Variants in MBL2 observed in about 807,000 individuals in gnomAD.
MBL2 encodes the protein mannose binding lectin 2.
A neutral mutation model predicts 12.7 loss-of-function variants in MBL2; 6 were observed. The observed-to-expected ratio is 0.47, with a 90% confidence interval of 0.26 to 0.94. The LOEUF (loss-of-function observed/expected upper bound fraction) is 0.94, where lower values mean the gene tolerates loss of function less well. Among genes scored for constraint, MBL2 ranks in the 40% least tolerant of loss-of-function variants. The pLI is 0.15. For synonymous variants in MBL2, 114 were observed against 112.0 expected, an observed-to-expected ratio of 1.02 and a Z score of -0.11; for missense variants, 307 against 295.2, an observed-to-expected ratio of 1.04 and a Z score of -0.29.
chr10:52,772,642 C>CA (rs1840411934), intron 1 of MBL2, 95 bp downstream of exon 1: 1 of 655,498 alleles, frequency 1.5e-6, no homozygotes, highest in Non-Finnish European at 1.9e-6. Flanking sequence ...CCACTCCCCC[C>CA]ACCCCTAGAA....
Position 52,767,798 on chromosome 10 carries a change from T to A in MBL2, c.*339A>T, listed in dbSNP as rs1266466558. On this transcript the variant is annotated 3_prime_UTR_variant, in exon 5 of 5. Coordinates refer to ENST00000674931, the MANE Select transcript of MBL2 (RefSeq NM_001378373.1). ...ACAGAGCACAGGTGTTTGTTGTAAA[T>A]GGAAAAATAAATCCGTCTTATTTTC... is the stretch of plus-strand genomic sequence containing the variant. 1 of 174,130 alleles carries A rather than the reference T, an allele frequency of 5.7e-6. No homozygotes were observed. Among genetic ancestry groups the A allele is most frequent in the Admixed American group, 5.9e-5 (1 of 16,860 alleles). 10.8% of individuals were successfully genotyped at this position (174,130 alleles called of 1,614,324 possible).
intron 2 of MBL2, 85 bp from the exon 3 acceptor site, chr10:52,770,871 G>A: frequency 1.4e-6 from 1 of 709,946 alleles, no homozygotes; most frequent in East Asian, 3.0e-5. Context: ...CCCTTCTCAG[G>A]AGAAAGGAGA....
intron 3 of MBL2, among the ~76,000 whole-genome samples, chr10:52,769,579 AT>A (rs1217369362): frequency 1.3e-5 from 2 of 152,166 alleles, no homozygotes; most frequent in African/African-American, 4.8e-5. Flanking sequence ...ATACTCCCTG[AT>A]TACCTAGCAA....
rs1478578606 is a variant in MBL2 at position 52,766,266 on chromosome 10, A to G, written c.*1871T>C. 1 of 152,140 alleles carries G rather than the reference A, an allele frequency of 6.6e-6. No individual in the cohort carries two copies. The highest frequency in any genetic ancestry group is 1.9e-4 in the East Asian group (1 of 5,194). 9.4% of individuals were successfully genotyped at this position (152,140 alleles called of 1,614,324 possible). On this transcript the variant is annotated 3_prime_UTR_variant, in exon 5 of 5. Coordinates refer to ENST00000674931, the MANE Select transcript of MBL2 (RefSeq NM_001378373.1). Reference sequence around the variant, plus strand: ...TATGGAAATCTTGACTTTAAGAAGAACAAAGCTGGACTATAGTTACAACTA... The same window carrying G: ...TATGGAAATCTTGACTTTAAGAAGAGCAAAGCTGGACTATAGTTACAACTA...
intron 1 of MBL2, 46 bp downstream of exon 1, chr10:52,772,691 A>G (rs919991683): frequency 2.7e-5 from 27 of 983,218 alleles, no homozygotes; most frequent in African/African-American, 1.9e-4. Flanking sequence ...CAGCTCCCCA[A>G]ACCCTTGATC....
chr10:52,770,192 C>A (rs1448143338), intron 3 of MBL2, among the ~76,000 whole-genome samples: 1 of 152,174 alleles, frequency 6.6e-6, no homozygotes, highest in African/African-American at 2.4e-5. Flanking sequence ...GTGGGTAAGC[C>A]CAGCTTAAAC....
At chr10:52,768,869 A>G (rs1840347827) in intron 4 of MBL2, among the ~76,000 whole-genome samples, 1 of 152,044 alleles carries the variant, frequency 6.6e-6, no homozygotes, top group Admixed American at 6.6e-5. Context: ...TGTTAACTTG[A>G]GACCAAACAA....
rs1245602794 is a variant in MBL2, at chr10:52,765,657, CAT to C, written c.*2478_*2479del. 2.0e-5 allele frequency: 3 copies of C among 152,134 alleles called. No individual in the cohort carries two copies. Among genetic ancestry groups the C allele is most frequent in the African/African-American group, 7.2e-5 (3 of 41,426 alleles). 9.4% of individuals were successfully genotyped at this position (152,134 alleles called of 1,614,324 possible). A position where few individuals can be genotyped will look rare whatever the true frequency, so the allele number is the denominator to read the frequency against. Reference sequence around the variant, plus strand: ...AAACACAAAGTAACTGGCTCTAGATCATGTAGCAATTAAGTGACAGAGCTGTG... The same window carrying C: ...AAACACAAAGTAACTGGCTCTAGATCGTAGCAATTAAGTGACAGAGCTGTG... On this transcript the variant is annotated 3_prime_UTR_variant, in exon 5 of 5. Transcript: ENST00000674931.
chr10:52,768,183 A>T lies in MBL2; in HGVS notation c.701T>A (p.Val234Asp), dbSNP rs1312939456. The T allele has an allele frequency of 1.2e-6, 2 of 1,612,622 alleles. No individual in the cohort carries two copies. The highest frequency in any genetic ancestry group is 1.7e-5 in the Admixed American group (1 of 59,888). ...LLLKNGQWND[V>D]PCSTSHLAVC... is the part of the protein sequence containing the mutation. The stretch of plus-strand genomic sequence containing the variant: ...GGCCAGATGGGAGGTGGAGCAGGGG[A>T]CGTCATTCCACTGGCCATTTTTCAG... The change falls in exon 5 of 5, where the codon GTC (valine) becomes GAC (aspartate). Residue 234 changes from valine (V) to aspartate (D), a missense_variant. Physicochemically the swap from Val to Asp is radical, Grantham distance 152. Coordinates refer to ENST00000674931, the MANE Select transcript of MBL2 (RefSeq NM_001378373.1).
Position 52,768,153 on chromosome 10 carries a change from C to T in MBL2, c.731G>A (p.Cys244Tyr). ...VPCSTSHLAV[C>Y]EFPI The stretch of plus-strand genomic sequence containing the variant: ...TATGACCCTTCAGATAGGGAACTCA[C>T]AGACGGCCAGATGGGAGGTGGAGCA... The change falls in exon 5 of 5, where the codon TGT (cysteine) becomes TAT (tyrosine). Residue 244 changes from cysteine (C) to tyrosine (Y), a missense_variant. Physicochemically the swap from Cys to Tyr is radical, Grantham distance 194. Coordinates refer to ENST00000674931, the MANE Select transcript of MBL2 (RefSeq NM_001378373.1). The T allele has an allele frequency of 6.2e-7, 1 of 1,604,676 alleles. No homozygotes were observed. Among genetic ancestry groups the T allele is most frequent in the South Asian group, 1.1e-5 (1 of 89,082 alleles).
chr10:52,771,535 G>A lies in MBL2; in HGVS notation c.101C>T (p.Ala34Val), dbSNP rs1245655310. 1 of 1,613,954 alleles carries A rather than the reference G, an allele frequency of 6.2e-7. No individual in the cohort carries two copies. The highest frequency in any genetic ancestry group is 8.5e-7 in the Non-Finnish European group (1 of 1,179,884). ...TCEDAQKTCP[A>V]VIACSSPGIN... ...GCCTGGAGAGCTACAGGCAATCACT[G>A]CAGGGCAGGTCTTTTGGGCATCCTC... The change falls in exon 2 of 5, where the codon GCA becomes GTA. Residue 34 changes from alanine to valine, a missense_variant. Physicochemically the swap from Ala to Val is moderately conservative, Grantham distance 64. Coordinates refer to ENST00000674931, the MANE Select transcript of MBL2 (RefSeq NM_001378373.1).
chr10:52,766,105 G>A lies in MBL2; in HGVS notation c.*2032C>T, dbSNP rs977172176. ...TAAAGAAATTCTAGTTACATGAAGC[G>A]ATACATGATGAACATTGATTAGAGA... On this transcript the variant is annotated 3_prime_UTR_variant, in exon 5 of 5. Transcript: ENST00000674931. 8 of 152,052 alleles carry A rather than the reference G, an allele frequency of 5.3e-5. No individual in the cohort carries two copies. The highest frequency in any genetic ancestry group is 1.4e-4 in the African/African-American group (6 of 41,422). 9.4% of individuals were successfully genotyped at this position (152,052 alleles called of 1,614,324 possible). A position where few individuals can be genotyped will look rare whatever the true frequency, so the allele number is the denominator to read the frequency against.
At chr10:52,770,620 G>A in intron 3 of MBL2, 50 bp downstream of exon 3, 1 of 1,154,182 alleles carries the variant, frequency 8.7e-7, no homozygotes, top group Non-Finnish European at 1.2e-6. Flanking sequence ...AGATACTCAA[G>A]GTCTCAGAAC....
At chr10:52,771,706 T>C (rs2132694910) in intron 1 of MBL2, 62 bp from the exon 2 acceptor site, 1 of 1,527,978 alleles carries the variant, frequency 6.5e-7, no homozygotes, top group East Asian at 2.4e-5. Context: ...TTACCGAGCA[T>C]GCCCTCTGTC....
chr10:52,771,850 G>A, intron 1 of MBL2: 2 of 661,682 alleles, frequency 3.0e-6, no homozygotes, highest in Non-Finnish European at 4.8e-6. Context: ...ATGATGAGCA[G>A]TGGGGATCCT....
At position 52,768,464 on chromosome 10, in the gene MBL2, C is replaced by T. The variant is rs1206102058; in HGVS notation, c.420G>A (p.Leu140=). The change falls in exon 5 of 5, where the codon CTG becomes CTA. Residue 140 remains leucine, a synonymous_variant. Coordinates refer to ENST00000674931, the MANE Select transcript of MBL2 (RefSeq NM_001378373.1). ...LGKQVGNKFF[L]TNGEIMTFEK... is the part of the protein sequence containing the mutation. ...CAAAGGTCATTATTTCACCATTGGT[C>T]AGGAAGAACTTGTTCCCAACTTGTT... 5 of 1,601,384 alleles carry T rather than the reference C, an allele frequency of 3.1e-6. No homozygotes were observed. The highest frequency in any genetic ancestry group is 4.3e-6 in the Non-Finnish European group (5 of 1,175,182).
intron 3 of MBL2, 121 bp downstream of exon 3, chr10:52,770,549 G>T: frequency 1.9e-6 from 1 of 534,072 alleles, no homozygotes; most frequent in Non-Finnish European, 3.2e-6. Context: ...GAGGGCACTG[G>T]GTCAGAAAGC....
At chr10:52,770,438 T>C (rs1840373225) in intron 3 of MBL2, among the ~76,000 whole-genome samples, 1 of 152,240 alleles carries the variant, frequency 6.6e-6, no homozygotes, top group Non-Finnish European at 1.5e-5. Context: ...GCTCAGCTCT[T>C]ACAGGGAGTG....
At chr10:52,769,586 A>T (rs1450629026) in intron 3 of MBL2, among the ~76,000 whole-genome samples, 3 of 152,176 alleles carry the variant, frequency 2.0e-5, no homozygotes, top group African/African-American at 7.2e-5. Flanking sequence ...CTGATTACCT[A>T]GCAATCCATA....
Sources: allele counts gnomAD v4.1 joint callset (sites outside exome capture counted in the v4.1 genomes callset), GRCh38; gene constraint gnomAD v4.1.1; transcripts MANE v1.5; gene names NCBI Gene and HGNC (gene_info 2026-07-23, HGNC 2026-07-21).